Variants in PPP1R42 observed in about 807,000 individuals in gnomAD.
PPP1R42 encodes the protein leucine rich repeat containing 67.
PPP1R42 carries 34 observed loss-of-function variants against 31.0 expected under a neutral mutation model. That is an observed-to-expected ratio of 1.10 (90% CI 0.83 to 1.46). The LOEUF is 1.46. PPP1R42 is among the 40% of genes most tolerant of loss of function. PPP1R42 has a pLI of 0.00. For missense variants in PPP1R42, 268 were observed against 303.0 expected, an observed-to-expected ratio of 0.88 and a Z score of 0.86; for synonymous variants, 103 against 109.8, an observed-to-expected ratio of 0.94 and a Z score of 0.39.
chr8:66,968,268 G>A (rs1367830374), intron 7 of PPP1R42, among the ~76,000 whole-genome samples: 1 of 152,106 alleles, frequency 6.6e-6, no homozygotes, highest in Non-Finnish European at 1.5e-5. Context: ...ACATACATGA[G>A]CACAGATTGC....
At chr8:67,003,706 A>G (rs1049294335) in intron 5 of PPP1R42, among the ~76,000 whole-genome samples, 42 of 152,132 alleles carry the variant, frequency 2.8e-4, no homozygotes, top group Admixed American at 1.0e-3. Flanking sequence ...TGTGTCCCCC[A>G]AAGTTCATAT....
intron 7 of PPP1R42, among the ~76,000 whole-genome samples, chr8:66,967,567 A>G (rs1437845872): frequency 6.6e-6 from 1 of 152,246 alleles, no homozygotes; most frequent in Non-Finnish European, 1.5e-5. Context: ...CTGTTCAAAT[A>G]TAACCTTAAC....
chr8:67,002,388 G>A (rs950384087), intron 5 of PPP1R42, among the ~76,000 whole-genome samples: 1 of 152,138 alleles, frequency 6.6e-6, no homozygotes, highest in African/African-American at 2.4e-5. Flanking sequence ...TAGTAGAGAC[G>A]TGGTTTCACC....
At position 66,986,012 on chromosome 8, in the gene PPP1R42, T is replaced by C; in HGVS notation, c.670+2388A>G. Reference sequence around the variant, plus strand: ...ACTTGGAATGCCTAGAGCTTCCGCCTTCCTCCTACAGCCTCAGTTTGTCCA... The same window carrying C: ...ACTTGGAATGCCTAGAGCTTCCGCCCTCCTCCTACAGCCTCAGTTTGTCCA... On this transcript the variant is annotated intron_variant, in intron 6 of 7. Coordinates refer to ENST00000685739, the MANE Select transcript of PPP1R42 (RefSeq NM_001364910.1). 3 of 748,840 alleles carry C rather than the reference T, an allele frequency of 4.0e-6. No individual in the cohort carries two copies. In the Admixed American group the frequency reaches 5.2e-5, roughly 13 times the overall value. 46.4% of individuals were successfully genotyped at this position (748,840 alleles called of 1,614,324 possible). A position where few individuals can be genotyped will look rare whatever the true frequency, so the allele number is the denominator to read the frequency against.
intron 5 of PPP1R42, among the ~76,000 whole-genome samples, chr8:67,001,928 C>T (rs1400108926): frequency 6.6e-6 from 1 of 152,182 alleles, no homozygotes; most frequent in Non-Finnish European, 1.5e-5. Flanking sequence ...CACTACTGCA[C>T]TACAGACTGG....
At chr8:66,983,027 C>T (rs549188943) in intron 6 of PPP1R42, among the ~76,000 whole-genome samples, 3 of 151,690 alleles carry the variant, frequency 2.0e-5, no homozygotes, top group South Asian at 2.1e-4. Context: ...AAACGATCCT[C>T]GGCTTCCCAA....
intron 6 of PPP1R42, chr8:66,985,863 C>T (rs1209321039): frequency 1.7e-6 from 2 of 1,158,378 alleles, no homozygotes; most frequent in Non-Finnish European, 2.5e-6. Flanking sequence ...ACCTCTGGCT[C>T]TTCTTCCACC....
chr8:66,986,113 C>T (rs1247347605), intron 6 of PPP1R42: 2 of 698,934 alleles, frequency 2.9e-6, no homozygotes, highest in African/African-American at 1.8e-5. Context: ...CTCTTCCCTA[C>T]AGCAGTTCAA....
intron 5 of PPP1R42, among the ~76,000 whole-genome samples, chr8:67,008,772 A>G (rs147656363): frequency 9.6e-4 from 146 of 151,976 alleles, no homozygotes; most frequent in African/African-American, 3.4e-3. Flanking sequence ...CAATGAAGGT[A>G]TTTATTTTGG....
chr8:67,012,061 C>A (rs1815857597), intron 4 of PPP1R42, among the ~76,000 whole-genome samples: 1 of 151,922 alleles, frequency 6.6e-6, no homozygotes, highest in African/African-American at 2.4e-5. Context: ...CATGGTGAAA[C>A]CCCATCTCTA....
At chr8:66,984,030 A>T (rs1191635175) in intron 6 of PPP1R42, 4 of 1,178,608 alleles carry the variant, frequency 3.4e-6, no homozygotes, top group Non-Finnish European at 5.0e-6. Flanking sequence ...TCTGCTTGGC[A>T]CAGTTCTGAG....
intron 5 of PPP1R42, among the ~76,000 whole-genome samples, chr8:67,007,433 G>T (rs191492338): frequency 1.3e-5 from 2 of 151,634 alleles, no homozygotes; most frequent in African/African-American, 2.4e-5. Context: ...CACAATCCTG[G>T]CTTCCTGCAA....
intron 1 of PPP1R42, among the ~76,000 whole-genome samples, chr8:67,027,196 C>T (rs1816432038): frequency 6.6e-6 from 1 of 152,102 alleles, no homozygotes; most frequent in African/African-American, 2.4e-5. Flanking sequence ...CCACCATGCC[C>T]AGCAATTTTT....
At chr8:67,025,184 A>G (rs1375641411) in intron 1 of PPP1R42, among the ~76,000 whole-genome samples, 1 of 151,786 alleles carries the variant, frequency 6.6e-6, no homozygotes, top group Non-Finnish European at 1.5e-5. Context: ...GCCTCAAGCA[A>G]TCCTCCCACC....
chr8:66,964,641 G>C (rs1814332377), intron 7 of PPP1R42, among the ~76,000 whole-genome samples: 1 of 152,058 alleles, frequency 6.6e-6, no homozygotes, highest in African/African-American at 2.4e-5. Context: ...TTTGCACCCA[G>C]ATTGTCCTTA....
chr8:67,010,337 T>C (rs1191624379), intron 5 of PPP1R42, among the ~76,000 whole-genome samples: 4 of 152,160 alleles, frequency 2.6e-5, no homozygotes, highest in African/African-American at 4.8e-5. Flanking sequence ...CAAAAAGAAG[T>C]AGCCAAGAGA....
intron 5 of PPP1R42, among the ~76,000 whole-genome samples, chr8:66,995,510 AT>A (rs953749343): frequency 3.3e-5 from 5 of 152,128 alleles, no homozygotes; most frequent in African/African-American, 7.2e-5. Context: ...TCTCCAGAAT[AT>A]TTTTTTGTGC....
chr8:66,984,932 T>C, intron 6 of PPP1R42: 1 of 1,526,392 alleles, frequency 6.6e-7, no homozygotes, highest in Non-Finnish European at 9.1e-7. Context: ...GTAACTGGTG[T>C]GTCATTGTCA....
intron 5 of PPP1R42, among the ~76,000 whole-genome samples, chr8:67,007,044 C>CTT (rs759204581): frequency 1.4e-5 from 2 of 142,504 alleles, no homozygotes. Flanking sequence ...CGCCCGGCCT[C>CTT]TTTTTTTTTT....
Sources: gnomAD v4.1 joint callset for allele counts (sites outside exome capture counted in the v4.1 genomes callset) on GRCh38, gnomAD v4.1.1 for gene constraint, MANE v1.5 for transcripts, NCBI Gene and HGNC (gene_info 2026-07-23, HGNC 2026-07-21) for gene names.